Variants in CPVL observed in about 807,000 individuals in gnomAD.
CPVL encodes carboxypeptidase vitellogenic like.
A neutral mutation model predicts 63.7 loss-of-function variants in CPVL; 51 were observed. That is an observed-to-expected ratio of 0.80 (90% CI 0.64 to 1.01). CPVL has a LOEUF of 1.01. CPVL is among the 50% of genes least tolerant of loss of function. The probability of loss-of-function intolerance (pLI) is 0.00; values close to 1 mark genes in which losing one functional copy is unlikely to be tolerated. For missense variants in CPVL, 530 were observed against 573.1 expected (o/e 0.92, Z 0.77); for synonymous variants, 195 against 206.0 (o/e 0.95, Z 0.46).
chr7:29,136,799 AC>A (rs1791273307), intron 1 of CPVL, among the ~76,000 whole-genome samples: 1 of 152,204 alleles, frequency 6.6e-6, no homozygotes, highest in African/African-American at 2.4e-5. Context: ...ACTTGTCCTT[AC>A]TTCCCTATTT....
intron 3 of CPVL, 180 bp from the exon 4 acceptor site, chr7:29,096,397 C>G: frequency 1.7e-6 from 1 of 601,784 alleles, no homozygotes; most frequent in Non-Finnish European, 3.0e-6. Flanking sequence ...ATCTTTGGTT[C>G]TTTGAATGAG....
At chr7:29,150,134 G>C (rs1793388361), upstream of CPVL, among the ~76,000 whole-genome samples, 1 of 152,158 alleles carries the variant, frequency 6.6e-6, no homozygotes, top group South Asian at 2.1e-4. Flanking sequence ...CTCTGCACCT[G>C]CATATTCTAG....
At chr7:29,088,897 C>T (rs749459678) in intron 6 of CPVL, among the ~76,000 whole-genome samples, 4 of 152,132 alleles carry the variant, frequency 2.6e-5, no homozygotes, top group African/African-American at 4.8e-5. Context: ...ATTGCTTGAA[C>T]CTGGGAGGCA....
At chr7:29,066,191 T>C (rs190681914) in intron 9 of CPVL, 70 bp from the exon 10 acceptor site, 6 of 826,978 alleles carry the variant, frequency 7.3e-6, no homozygotes, top group African/African-American at 3.4e-5. Flanking sequence ...GTACAGACAT[T>C]TGTCATTTCA....
intron 1 of CPVL, chr7:29,127,673 C>A: frequency 6.6e-6 from 1 of 152,302 alleles, no homozygotes; most frequent in Non-Finnish European, 1.5e-5. Flanking sequence ...GAGAGCTGGC[C>A]ATGAAAGAAT....
chr7:29,184,203 G>A (rs1047047068), intron 4 of CPVL, among the ~76,000 whole-genome samples: 38 of 138,188 alleles, frequency 2.7e-4, no homozygotes, highest in African/African-American at 9.7e-4. Flanking sequence ...ATAGATAAAA[G>A]AGATATTTAT....
At chr7:29,141,752 T>C (rs1312970651) in intron 1 of CPVL, among the ~76,000 whole-genome samples, 1 of 151,698 alleles carries the variant, frequency 6.6e-6, no homozygotes, top group African/African-American at 2.4e-5. Context: ...CTGTCTCTAC[T>C]AAACATATAA....
At chr7:29,139,597 TC>T (rs975617047) in intron 1 of CPVL, among the ~76,000 whole-genome samples, 1 of 152,154 alleles carries the variant, frequency 6.6e-6, no homozygotes, top group Non-Finnish European at 1.5e-5. Flanking sequence ...TTTTTAAAAA[TC>T]CTATTAAAAT....
intron 1 of CPVL, among the ~76,000 whole-genome samples, chr7:29,142,733 C>A (rs62444095): frequency 1.3e-5 from 2 of 151,962 alleles, no homozygotes; most frequent in Admixed American, 1.3e-4. Context: ...ACCATGTTGG[C>A]CAGGCTGGTC....
chr7:29,062,974 T>C (rs762510844), intron 11 of CPVL, among the ~76,000 whole-genome samples: 1 of 152,110 alleles, frequency 6.6e-6, no homozygotes, highest in Non-Finnish European at 1.5e-5. Flanking sequence ...GGAGTTGCCC[T>C]AGAGACGATC....
intron 11 of CPVL, among the ~76,000 whole-genome samples, chr7:29,047,537 A>G (rs1275797083): frequency 6.6e-6 from 1 of 152,196 alleles, no homozygotes; most frequent in Non-Finnish European, 1.5e-5. Context: ...GAAGTCTGGG[A>G]TTATGTTGAA....
intron 12 of CPVL, among the ~76,000 whole-genome samples, chr7:28,997,827 CAT>C (rs1478922001): frequency 7.1e-6 from 1 of 140,692 alleles, no homozygotes; most frequent in Non-Finnish European, 1.6e-5. Flanking sequence ...CAGATATAAA[CAT>C]AATTTTCTGT....
intron 11 of CPVL, among the ~76,000 whole-genome samples, chr7:29,049,146 AG>A (rs1048237165): frequency 2.2e-4 from 33 of 152,048 alleles, no homozygotes; most frequent in African/African-American, 6.3e-4. Context: ...ACCCAAACCC[AG>A]CAGAAGAAAG....
At chr7:29,141,206 G>A (rs117443862) in intron 1 of CPVL, among the ~76,000 whole-genome samples, 1,543 of 152,328 alleles carry the variant, frequency 0.01, 11 homozygotes, top group Middle Eastern at 0.017. Flanking sequence ...CATACAGTCA[G>A]TAGCATATAG....
chr7:29,083,949 A>G (rs1334341527), intron 7 of CPVL, among the ~76,000 whole-genome samples: 2 of 151,866 alleles, frequency 1.3e-5, no homozygotes, highest in East Asian at 3.9e-4. Flanking sequence ...TCTTTTTTCA[A>G]GACTCGTGGA....
chr7:29,181,258 G>A (rs1798022295), intron 5 of CPVL: 1 of 152,152 alleles, frequency 6.6e-6, no homozygotes, highest in African/African-American at 2.4e-5. Context: ...CAAGGCTTCA[G>A]CTATTGCTCT....
intron 7 of CPVL, among the ~76,000 whole-genome samples, chr7:29,079,437 G>C (rs1241488484): frequency 1.3e-5 from 2 of 152,092 alleles, no homozygotes; most frequent in Non-Finnish European, 2.9e-5. Context: ...CCTTGGTAAG[G>C]CATACCTAAC....
chr7:29,152,414 T>G, intron 5 of CPVL, among the ~76,000 whole-genome samples: 1 of 152,288 alleles, frequency 6.6e-6, no homozygotes, highest in South Asian at 2.1e-4. Context: ...TTGTTCTCTA[T>G]TCTCAGTTCC....
At chr7:29,091,897 A>T (rs1026345479) in intron 6 of CPVL, among the ~76,000 whole-genome samples, 1 of 152,178 alleles carries the variant, frequency 6.6e-6, no homozygotes, top group Non-Finnish European at 1.5e-5. Context: ...AGTAATTAAC[A>T]GAGTGCTTGG....
Sources: allele counts gnomAD v4.1 joint callset (sites outside exome capture counted in the v4.1 genomes callset), GRCh38; gene constraint gnomAD v4.1.1; transcripts MANE v1.5; gene names NCBI Gene and HGNC (gene_info 2026-07-23, HGNC 2026-07-21).